Variants in TBC1D12 observed in about 807,000 individuals in gnomAD.
TBC1D12 encodes the protein TBC1 domain family member 12.
In TBC1D12, 56 loss-of-function variants were observed where a neutral mutation model predicts 86.7. The observed-to-expected ratio is 0.65, with a 90% confidence interval of 0.52 to 0.81. The LOEUF (loss-of-function observed/expected upper bound fraction) is 0.81. Ranked by LOEUF, TBC1D12 falls within the 30% of genes least tolerant of loss-of-function variation. The probability of loss-of-function intolerance (pLI) is 0.00; values close to 1 mark genes in which losing one functional copy is unlikely to be tolerated. For synonymous variants in TBC1D12, 421 were observed against 411.7 expected (o/e 1.02, Z -0.27); for missense variants, 1,023 against 1,038.8 (o/e 0.98, Z 0.21).
chr10:94,440,896 G>A (rs943402182), intron 1 of TBC1D12, among the ~76,000 whole-genome samples: 2 of 152,124 alleles, frequency 1.3e-5, no homozygotes, highest in Non-Finnish European at 2.9e-5. Flanking sequence ...GCACAATGAC[G>A]CGGAGTGCAA....
chr10:94,417,348 AGT>A (rs1339475703), intron 1 of TBC1D12, among the ~76,000 whole-genome samples: 23 of 152,220 alleles, frequency 1.5e-4, no homozygotes, highest in African/African-American at 5.5e-4. Context: ...TAATAAGTTG[AGT>A]GAGACATACC....
Position 94,465,668 on chromosome 10 carries a change from A to ATGTGTGTG in TBC1D12, c.1096-8999_1096-8998insGTGTGTGT, listed in dbSNP as rs1488661977. ...CCTAAAAAAAAAAATATATATATATATATGTGTGTGTGTGTGTGTGTGTGT... is the reference window on the plus strand; with the variant it reads ...CCTAAAAAAAAAAATATATATATATATGTGTGTGTATGTGTGTGTGTGTGTGTGTGTGT... On this transcript the variant is annotated intron_variant, in intron 2 of 12. Transcript: ENST00000225235. 1.6e-4 allele frequency among the ~76,000 whole-genome samples: 13 copies of ATGTGTGTG among 83,624 alleles called. No homozygotes were observed. In the East Asian group the frequency reaches 2.4e-3, roughly 16 times the overall value. 54.9% of individuals were successfully genotyped at this position (83,624 alleles called of 152,430 possible).
chr10:94,441,858 A>G (rs10882455), intron 1 of TBC1D12, 38 bp from the exon 2 acceptor site: 241,816 of 1,590,736 alleles, frequency 0.15, 20,190 homozygotes, highest in Admixed American at 0.17. Flanking sequence ...CTCTCTGGTT[A>G]CAAAAAACAC....
chr10:94,418,914 G>T (rs908373445), intron 1 of TBC1D12, among the ~76,000 whole-genome samples: 2 of 143,084 alleles, frequency 1.4e-5, no homozygotes, highest in African/African-American at 2.6e-5. Context: ...TCGCTCTGTT[G>T]CCCAGACTGG....
In TBC1D12 at chr10:94,500,341, G is replaced by T. The variant is rs373025010; in HGVS notation, c.1519+14G>T. 3.7e-6 allele frequency: 6 copies of T among 1,604,826 alleles called. No individual in the cohort carries two copies. The highest frequency in any genetic ancestry group is 3.3e-5 in the South Asian group (3 of 89,900). Reference sequence around the variant, plus strand: ...ATATCACTCCTGGTTTGTATTCTACGTTCAGTTATTCCCACATGTACAAAT... The same window carrying T: ...ATATCACTCCTGGTTTGTATTCTACTTTCAGTTATTCCCACATGTACAAAT... On this transcript the variant is annotated intron_variant, in intron 6 of 12. Transcript: ENST00000225235.
At chr10:94,452,326 A>G (rs2055562995) in intron 2 of TBC1D12, among the ~76,000 whole-genome samples, 1 of 152,052 alleles carries the variant, frequency 6.6e-6, no homozygotes, top group African/African-American at 2.4e-5. Flanking sequence ...AGTATCATTC[A>G]TTCCCAGTGT....
intron 2 of TBC1D12, among the ~76,000 whole-genome samples, chr10:94,444,652 G>T (rs2055428250): frequency 6.6e-6 from 1 of 151,698 alleles, no homozygotes; most frequent in African/African-American, 2.4e-5. Flanking sequence ...ATAAATTACT[G>T]GTTGGATAAT....
At position 94,507,326 on chromosome 10, in the gene TBC1D12, A is replaced by T. The variant is rs1202468139; in HGVS notation, c.1579A>T (p.Ser527Cys). The change falls in exon 7 of 13, where the codon AGT becomes TGT. Residue 527 changes from serine to cysteine, a missense_variant. Coordinates refer to ENST00000225235, the MANE Select transcript of TBC1D12 (RefSeq NM_015188.2). Reference protein sequence around the residue: ...KERWKSFSETSSENDTEGVSV... With the variant: ...KERWKSFSETCSENDTEGVSV... ...ACGGTGGAAAAGTTTCAGTGAAACA[A>T]GTTCAGAGAATGATACAGAAGGTGT... The T allele has an allele frequency of 4.4e-6, 7 of 1,607,538 alleles. No homozygotes were observed. The highest frequency in any genetic ancestry group is 5.9e-6 in the Non-Finnish European group (7 of 1,178,782).
At chr10:94,496,126 G>A (rs2056318490) in intron 4 of TBC1D12, among the ~76,000 whole-genome samples, 1 of 151,730 alleles carries the variant, frequency 6.6e-6, no homozygotes, top group South Asian at 2.1e-4. Context: ...AGAAAGTAGA[G>A]ATTGTTTACT....
At chr10:94,416,129 C>A (rs1248125135) in intron 1 of TBC1D12, among the ~76,000 whole-genome samples, 1 of 152,032 alleles carries the variant, frequency 6.6e-6, no homozygotes, top group Non-Finnish European at 1.5e-5. Flanking sequence ...AATACAATTA[C>A]CTTGGTCAGG....
At chr10:94,444,563 T>G (rs2055426289) in intron 2 of TBC1D12, among the ~76,000 whole-genome samples, 2 of 152,220 alleles carry the variant, frequency 1.3e-5, no homozygotes, top group South Asian at 4.1e-4. Flanking sequence ...TTATGGTAGT[T>G]TAAATATGCA....
intron 1 of TBC1D12, among the ~76,000 whole-genome samples, chr10:94,438,126 G>A (rs1487611869): frequency 1.3e-5 from 2 of 148,868 alleles, no homozygotes; most frequent in East Asian, 4.0e-4. Context: ...CCCGTTTCTT[G>A]GTATGTTTTG....
At chr10:94,484,596 A>G (rs1044384140) in intron 3 of TBC1D12, among the ~76,000 whole-genome samples, 1 of 152,134 alleles carries the variant, frequency 6.6e-6, no homozygotes, top group African/African-American at 2.4e-5. Context: ...TTTTGGTTGC[A>G]TATAAATTTT....
At chr10:94,516,994 C>A (rs1842009233) in intron 9 of TBC1D12, among the ~76,000 whole-genome samples, 1 of 152,034 alleles carries the variant, frequency 6.6e-6, no homozygotes, top group South Asian at 2.1e-4. Flanking sequence ...GTGATCCTTC[C>A]ACCTCAGCCT....
chr10:94,402,895 G>T lies in TBC1D12; in HGVS notation c.282G>T (p.Gln94His). The T allele has an allele frequency of 6.7e-7, 1 of 1,488,310 alleles. No homozygotes were observed. Among genetic ancestry groups the T allele is most frequent in the Non-Finnish European group, 8.9e-7 (1 of 1,126,408 alleles). The allele number at this position is 1,488,310 out of a possible 1,614,324, so 92.2% of individuals were successfully genotyped here. A position where few individuals can be genotyped will look rare whatever the true frequency, so the allele number is the denominator to read the frequency against. Residue 94 changes from glutamine to histidine, a missense_variant, in exon 1 of 13, where the codon CAG (glutamine) becomes CAT (histidine). This residue lies in a region of TBC1D12 where 628 missense variants were observed against 531.1 expected (regional missense o/e 1.18). Transcript: ENST00000225235. ...GLCYCPLPAG[Q>H]AGAPPPSAAP... The stretch of plus-strand genomic sequence containing the variant: ...GCTACTGTCCGCTCCCCGCTGGCCA[G>T]GCCGGCGCCCCGCCGCCCTCGGCAG...
intron 6 of TBC1D12, among the ~76,000 whole-genome samples, chr10:94,501,266 C>T (rs1044205957): frequency 2.6e-5 from 4 of 151,674 alleles, no homozygotes; most frequent in Admixed American, 1.3e-4. Context: ...CTGGGCAACA[C>T]GGTGAAACCC....
At position 94,402,564 on chromosome 10, in the gene TBC1D12, G is replaced by A. The variant is rs747897612; in HGVS notation, c.-50G>A. The A allele has an allele frequency of 6.3e-6, 10 of 1,599,484 alleles. No individual in the cohort carries two copies. The Admixed American group carries it at 1.4e-4, about 22-fold the overall frequency. ...CCAGAGCTGTTCTCTGGCCAAGCCT[G>A]CGCCTGTAGTCCTTCTTTGCCTCCT... On this transcript the variant is annotated 5_prime_UTR_variant, in exon 1 of 13. Transcript: ENST00000225235.
intron 2 of TBC1D12, among the ~76,000 whole-genome samples, chr10:94,464,731 C>T (rs1185044181): frequency 6.6e-6 from 1 of 152,070 alleles, no homozygotes; most frequent in Non-Finnish European, 1.5e-5. Context: ...TATTACTATA[C>T]CCCCAGTTAA....
intron 1 of TBC1D12, among the ~76,000 whole-genome samples, chr10:94,438,975 T>A (rs2055342734): frequency 3.3e-5 from 5 of 152,008 alleles, no homozygotes; most frequent in Admixed American, 3.3e-4. Flanking sequence ...GGCTAATTTT[T>A]GTATTTTTAG....
Sources: allele counts gnomAD v4.1 joint callset (sites outside exome capture counted in the v4.1 genomes callset), GRCh38; gene constraint gnomAD v4.1.1; regional missense constraint gnomAD v4.1.1; transcripts MANE v1.5; gene names NCBI Gene and HGNC (gene_info 2026-07-23, HGNC 2026-07-21).